The following TRPM1 variants were observed in gnomAD, a reference collection of about 807,000 sequenced individuals.
The protein encoded by TRPM1 is TRPM1-203 APA Isoform, Intron 10.
Under a neutral mutation model 149.4 loss-of-function variants are expected in TRPM1, and 113 were observed. That is an observed-to-expected ratio of 0.76 (90% confidence interval 0.65 to 0.88). The LOEUF (loss-of-function observed/expected upper bound fraction) is 0.88, where lower values mean the gene tolerates loss of function less well. Ranked by LOEUF, TRPM1 falls within the 40% of genes least tolerant of loss-of-function variation. The pLI, the probability that TRPM1 is intolerant of heterozygous loss-of-function variation, is 0.00. For synonymous variants in TRPM1, 741 were observed against 759.5 expected, an observed-to-expected ratio of 0.98 and a Z score of 0.40; for missense variants, 1,976 against 2,038.7, an observed-to-expected ratio of 0.97 and a Z score of 0.59.
At chr15:31,081,728 G>A (rs914551909) in intron 1 of TRPM1, among the ~76,000 whole-genome samples, 1 of 152,084 alleles carries the variant, frequency 6.6e-6, no homozygotes, top group African/African-American at 2.4e-5. Context: ...AGGGCCTGGC[G>A]AGAGCTCAAC....
chr15:31,041,944 C>T lies in TRPM1; in HGVS notation c.2087+7G>A. On this transcript the variant is annotated splice_region_variant and intron_variant, in intron 17 of 27. Transcript: ENST00000256552. ...TCCTGGCCTTTAAATCCCCGCTAGA[C>T]ACTAACTTGGAATTGTTATCCAAGT... The T allele has an allele frequency of 6.2e-7, 1 of 1,614,126 alleles. No individual in the cohort carries two copies. Among genetic ancestry groups the T allele is most frequent in the Non-Finnish European group, 8.5e-7 (1 of 1,180,022 alleles).
chr15:31,081,225 G>C, intron 2 of TRPM1, 128 bp downstream of exon 2: 1 of 743,994 alleles, frequency 1.3e-6, no homozygotes, highest in Non-Finnish European at 2.3e-6. Flanking sequence ...GCCCGAGCCA[G>C]GCTCAATCCA....
In TRPM1 at chr15:31,026,154, C is replaced by T. The variant is rs2140898706; in HGVS notation, c.3614G>A (p.Arg1205Gln). The T allele has an allele frequency of 1.9e-6, 3 of 1,611,840 alleles. No individual in the cohort carries two copies. The highest frequency in any genetic ancestry group is 2.2e-5 in the East Asian group (1 of 44,876). The change falls in exon 27 of 28, where the codon CGG becomes CAG. Residue 1205 changes from arginine to glutamine, a missense_variant. Coordinates refer to ENST00000256552, the MANE Select transcript of TRPM1 (RefSeq NM_001252024.2). Reference protein sequence around the residue: ...EQQSSSDERIRVTSERVENMS... With the variant: ...EQQSSSDERIQVTSERVENMS... ...CTACACGTACCTTTCAGAAGTGACC[C>T]GGATGCGCTCGTCGCTGGACGACTG...
rs191795884 is a variant in TRPM1, at chr15:31,113,035, C to T, written c.55-36051G>A. Among the ~76,000 whole-genome samples, 51 of 152,348 alleles carry T rather than the reference C, an allele frequency of 3.3e-4. 1 individual carries two copies. Among genetic ancestry groups the T allele is most frequent in the East Asian group, 7.7e-4 (4 of 5,186 alleles). On this transcript the variant is annotated intron_variant, in intron 1 of 26. Transcript: ENST00000542188. The stretch of plus-strand genomic sequence containing the variant: ...AAGTGTTCCGTGTTGGAGCAATCTG[C>T]TTCCTGAAGTCCCATTCAGAAGGCT...
chr15:31,081,919 C>T (rs1435507545), intron 1 of TRPM1, among the ~76,000 whole-genome samples: 1 of 152,208 alleles, frequency 6.6e-6, no homozygotes, highest in Non-Finnish European at 1.5e-5. Flanking sequence ...TGAATCTGCT[C>T]AGAGGCAGTG....
chr15:31,089,077 A>G (rs114392246), intron 1 of TRPM1, among the ~76,000 whole-genome samples: 3,708 of 152,336 alleles, frequency 0.024, 163 homozygotes, highest in African/African-American at 0.084. Context: ...ATTTAATGCC[A>G]TATTTTTAAA....
chr15:31,021,915 T>C (rs368624410), intron 27 of TRPM1, among the ~76,000 whole-genome samples: 9 of 152,132 alleles, frequency 5.9e-5, no homozygotes, highest in South Asian at 2.1e-4. Flanking sequence ...CAGACATTAA[T>C]AAAATGTATG....
In TRPM1 at chr15:31,002,808, G is replaced by T; in HGVS notation, c.3892C>A (p.His1298Asn). 6.2e-7 allele frequency: 1 copy of T among 1,614,198 alleles called. No homozygotes were observed. Among genetic ancestry groups the T allele is most frequent in the Non-Finnish European group, 8.5e-7 (1 of 1,180,036 alleles). The change falls in exon 28 of 28, where the codon CAT (histidine) becomes AAT (asparagine). Residue 1298 changes from histidine to asparagine, a missense_variant. This residue lies in a region of TRPM1 where 572 missense variants were observed against 578.9 expected (regional missense o/e 0.99). Coordinates refer to ENST00000256552, the MANE Select transcript of TRPM1 (RefSeq NM_001252024.2). ...SADGYSLYRYHFNGEELLFED... is the reference protein window; with the variant it reads ...SADGYSLYRYNFNGEELLFED... ...AATAATAACTCTTCTCCGTTAAAATGATATCGATACAAGCTGTAGCCATCA... is the reference window on the plus strand; with the variant it reads ...AATAATAACTCTTCTCCGTTAAAATTATATCGATACAAGCTGTAGCCATCA...
chr15:31,004,436 G>C (rs1307768800), intron 27 of TRPM1, among the ~76,000 whole-genome samples: 2 of 147,850 alleles, frequency 1.4e-5, no homozygotes, highest in African/African-American at 2.5e-5. Context: ...ACCTCCCAGA[G>C]TTTTTTTTTT....
chr15:31,010,019 T>C (rs2032127736), intron 27 of TRPM1, among the ~76,000 whole-genome samples: 1 of 152,248 alleles, frequency 6.6e-6, no homozygotes, highest in African/African-American at 2.4e-5. Context: ...CTGTGTTATC[T>C]TGACATTGAC....
At chr15:31,112,136 G>A (rs1169190138) in intron 1 of TRPM1, among the ~76,000 whole-genome samples, 2 of 152,204 alleles carry the variant, frequency 1.3e-5, no homozygotes, top group Admixed American at 6.5e-5. Context: ...GGCAATAGAA[G>A]AAGGGATGTG....
chr15:31,111,970 C>T (rs2035695975), intron 1 of TRPM1, among the ~76,000 whole-genome samples: 1 of 152,072 alleles, frequency 6.6e-6, no homozygotes, highest in African/African-American at 2.4e-5. Context: ...TATTGTTACC[C>T]GAAACTTTTG....
In TRPM1 at chr15:31,074,712, TC is replaced by T; in HGVS notation, c.83+2192del. Among the ~76,000 whole-genome samples, 2 of 152,262 alleles carry T rather than the reference TC, an allele frequency of 1.3e-5. 1 individual carries two copies. The highest frequency in any genetic ancestry group is 6.8e-3 in the Middle Eastern group (2 of 294). On this transcript the variant is annotated intron_variant, in intron 3 of 27. Transcript: ENST00000256552. ...CCACTTTAATCATTATCTCCTTCCC[TC>T]TACTTGCTTTAGGTTTAGTTTACTC...
chr15:31,127,835 G>A (rs908853076), intron 1 of TRPM1, among the ~76,000 whole-genome samples: 1 of 152,230 alleles, frequency 6.6e-6, no homozygotes, highest in Admixed American at 6.5e-5. Context: ...GCTCCCAGAG[G>A]ATGAGAAACA....
At chr15:31,076,858 G>C in intron 3 of TRPM1, 47 bp downstream of exon 3, 1 of 1,407,968 alleles carries the variant, frequency 7.1e-7, no homozygotes, top group Non-Finnish European at 1.0e-6. Context: ...AATAGTGGCA[G>C]ACAAGCACTG....
intron 1 of TRPM1, among the ~76,000 whole-genome samples, chr15:31,086,310 C>T (rs890409983): frequency 3.9e-5 from 6 of 152,194 alleles, no homozygotes; most frequent in African/African-American, 1.4e-4. Context: ...GGAGCTCCTG[C>T]GAGGCATCAG....
upstream of TRPM1, among the ~76,000 whole-genome samples, chr15:31,102,745 C>G (rs1022222917): frequency 6.6e-6 from 1 of 152,228 alleles, no homozygotes; most frequent in African/African-American, 2.4e-5. Context: ...CTGGGTCTGT[C>G]TTTGCTTTCA....
chr15:31,113,783 A>T (rs185205902), intron 1 of TRPM1, among the ~76,000 whole-genome samples: 1 of 152,328 alleles, frequency 6.6e-6, no homozygotes, highest in African/African-American at 2.4e-5. Flanking sequence ...CAGCTCTTAA[A>T]GGTGGCAAGG....
At chr15:31,071,753 C>G (rs1265522486) in intron 3 of TRPM1, among the ~76,000 whole-genome samples, 1 of 151,796 alleles carries the variant, frequency 6.6e-6, no homozygotes, top group East Asian at 1.9e-4. Context: ...CACTTGAGGT[C>G]AGGAGTCCGA....
Sources: allele counts gnomAD v4.1 joint callset (sites outside exome capture counted in the v4.1 genomes callset), GRCh38; gene constraint gnomAD v4.1.1; regional missense constraint gnomAD v4.1.1; transcripts MANE v1.5; gene names NCBI Gene and HGNC (gene_info 2026-07-23, HGNC 2026-07-21).